The following SYBU variants were observed in gnomAD, a reference collection of about 807,000 sequenced individuals.
The protein encoded by SYBU is GOLSYN A protein.
In SYBU, 21 loss-of-function variants were observed where a neutral mutation model predicts 35.9. The ratio of observed to expected loss-of-function variants is 0.58; its 90% CI spans 0.41 to 0.84. The LOEUF is 0.84. SYBU is among the 40% of genes least tolerant of loss of function. The probability of loss-of-function intolerance (pLI) is 0.00; values close to 1 mark genes in which losing one functional copy is unlikely to be tolerated. For synonymous variants in SYBU, 319 were observed against 324.3 expected (o/e 0.98, Z 0.18); for missense variants, 768 against 848.2 (o/e 0.91, Z 1.17).
Position 109,585,224 on chromosome 8 carries a change from T to A in SYBU, c.530+836A>T, listed in dbSNP as rs556859761. 3.9e-5 allele frequency among the ~76,000 whole-genome samples: 6 copies of A among 152,362 alleles called. No individual in the cohort carries two copies. The East Asian group carries it at 1.2e-3, about 29-fold the overall frequency. ...GGTGGCAAGCACAGAATCCTGGGGC[T>A]TACAGTCCCTCCCACTGAATGTGCA... On this transcript the variant is annotated intron_variant, in intron 4 of 6. Transcript: ENST00000276646.
intron 3 of SYBU, among the ~76,000 whole-genome samples, chr8:109,591,840 T>C (rs1437967363): frequency 1.3e-5 from 2 of 151,992 alleles, no homozygotes; most frequent in Admixed American, 1.3e-4. Flanking sequence ...GGGAAATTTT[T>C]TATAATAAGA....
intron 1 of SYBU, among the ~76,000 whole-genome samples, chr8:109,666,263 G>A (rs1004795899): frequency 6.6e-6 from 1 of 152,046 alleles, no homozygotes; most frequent in South Asian, 2.1e-4. Context: ...TCTGAACCTC[G>A]ACACTATTAA....
chr8:109,632,581 G>GT (rs1429920834), intron 2 of SYBU, among the ~76,000 whole-genome samples: 2 of 151,782 alleles, frequency 1.3e-5, no homozygotes, highest in African/African-American at 2.4e-5. Flanking sequence ...TTACATCTGA[G>GT]TTTTTTCTAT....
At chr8:109,676,685 C>T (rs914237028) in intron 1 of SYBU, among the ~76,000 whole-genome samples, 22 of 152,144 alleles carry the variant, frequency 1.4e-4, no homozygotes, top group African/African-American at 5.1e-4. Flanking sequence ...TTCTTGTATA[C>T]AAATATAAAT....
chr8:109,599,914 TC>T (rs1825326553), intron 3 of SYBU, among the ~76,000 whole-genome samples: 1 of 152,228 alleles, frequency 6.6e-6, no homozygotes, highest in South Asian at 2.1e-4. Context: ...CTCCCAGCTT[TC>T]ACACATGCTG....
Position 109,579,861 on chromosome 8 carries a change from AG to A in SYBU, c.671del (p.Pro224LeufsTer21), listed in dbSNP as rs1421537000. ...CTGAGTTGCTACTGCTTGGGGAAGA[AG>A]GTGCATAACTGGGATGGATATTGAC... Reference protein sequence around the residue: ...SPVNIHPSYAPSSPSSSNSGS... With the variant: ...SPVNIHPSYAXSSPSSSNSGS... On this transcript the variant is annotated frameshift_variant, in exon 5 of 7. Transcript: ENST00000276646. LOFTEE classifies it high-confidence loss of function. The A allele has an allele frequency of 6.2e-7, 1 of 1,613,970 alleles. No homozygotes were observed. The highest frequency in any genetic ancestry group is 1.3e-5 in the African/African-American group (1 of 74,882).
At chr8:109,687,742 G>A (rs981752569) in intron 1 of SYBU, among the ~76,000 whole-genome samples, 1 of 152,242 alleles carries the variant, frequency 6.6e-6, no homozygotes, top group Admixed American at 6.5e-5. Context: ...TATGGACTTT[G>A]ATGAGGCATC....
intron 3 of SYBU, among the ~76,000 whole-genome samples, chr8:109,617,502 A>G (rs1811941489): frequency 6.6e-6 from 1 of 152,202 alleles, no homozygotes. Flanking sequence ...ATTTTTCAAA[A>G]AGGCAGTTGA....
intron 1 of SYBU, among the ~76,000 whole-genome samples, chr8:109,689,538 T>C (rs1244832475): frequency 6.6e-6 from 1 of 152,026 alleles, no homozygotes; most frequent in East Asian, 1.9e-4. Flanking sequence ...CACCATGTTG[T>C]CCAGGCTGGT....
intron 2 of SYBU, among the ~76,000 whole-genome samples, chr8:109,623,407 G>C (rs1309390877): frequency 6.6e-6 from 1 of 152,108 alleles, no homozygotes; most frequent in African/African-American, 2.4e-5. Context: ...CAGGATTAAG[G>C]GTAGTAGAAA....
rs1160980728 is a variant in SYBU at position 109,584,286 on chromosome 8, T to C, written c.530+1774A>G. ...TTATATTTGGCTATTTTATGTTTAA[T>C]ATGTCAAATTTTGACCATGAATTCT... On this transcript the variant is annotated intron_variant, in intron 4 of 6. Transcript: ENST00000276646. The surrounding 1 kb of genome is among the most constrained non-coding windows in gnomAD (Gnocchi z 4.0). 2.6e-5 allele frequency among the ~76,000 whole-genome samples: 4 copies of C among 152,344 alleles called. No homozygotes were observed. The highest frequency in any genetic ancestry group is 7.2e-5 in the African/African-American group (3 of 41,588).
chr8:109,629,558 C>A (rs934470762), intron 2 of SYBU, among the ~76,000 whole-genome samples: 4 of 150,230 alleles, frequency 2.7e-5, no homozygotes, highest in African/African-American at 1.0e-4. Flanking sequence ...TGTTGCATGG[C>A]TCCTTTAAGA....
chr8:109,599,116 T>TA (rs1297371621), intron 3 of SYBU, among the ~76,000 whole-genome samples: 2 of 152,148 alleles, frequency 1.3e-5, no homozygotes, highest in Non-Finnish European at 2.9e-5. Context: ...CAATCTGCAA[T>TA]AAAAAGTCTT....
At chr8:109,604,003 A>G (rs1018299547) in intron 3 of SYBU, among the ~76,000 whole-genome samples, 2 of 152,206 alleles carry the variant, frequency 1.3e-5, no homozygotes, top group Non-Finnish European at 2.9e-5. Flanking sequence ...TATATGTAGT[A>G]TTTATAAAGA....
At chr8:109,620,406 T>A (rs112914339) in intron 2 of SYBU, among the ~76,000 whole-genome samples, 8 of 152,180 alleles carry the variant, frequency 5.3e-5, no homozygotes, top group Non-Finnish European at 8.8e-5. Context: ...TGAATAAAGA[T>A]AGAAACAGAA....
chr8:109,632,648 TA>T (rs11296848), intron 2 of SYBU, among the ~76,000 whole-genome samples: 28,856 of 151,952 alleles, frequency 0.19, 3,240 homozygotes, highest in East Asian at 0.4. Context: ...ACTTCTTTTT[TA>T]AAAAAAAGAA....
rs538516159 is a variant in SYBU at position 109,643,051 on chromosome 8, C to G, written c.25-119G>C. On this transcript the variant is annotated intron_variant, in intron 1 of 6. Coordinates refer to ENST00000276646, the MANE Select transcript of SYBU (RefSeq NM_001099754.2). ...CACATTTCTGAGTATTGAGTCTTCACAGAGTAGTCCTTCTTATCTCAGTTG... is the reference window on the plus strand; with the variant it reads ...CACATTTCTGAGTATTGAGTCTTCAGAGAGTAGTCCTTCTTATCTCAGTTG... 4.7e-4 allele frequency: 666 copies of G among 1,411,078 alleles called. 7 individuals carry two copies. In the South Asian group the frequency reaches 0.01, roughly 22 times the overall value. 87.4% of individuals were successfully genotyped at this position (1,411,078 alleles called of 1,614,324 possible).
At chr8:109,604,978 G>A (rs1825922333) in intron 3 of SYBU, among the ~76,000 whole-genome samples, 1 of 152,154 alleles carries the variant, frequency 6.6e-6, no homozygotes, top group South Asian at 2.1e-4. Flanking sequence ...GGAAGATCCA[G>A]TTTCCCTGAA....
upstream of SYBU, chr8:109,645,420 G>C (rs1307455195): frequency 2.3e-6 from 1 of 435,846 alleles, no homozygotes; most frequent in East Asian, 7.1e-5. Context: ...GCTCCCTCCG[G>C]CTTGGAGAAG....
Sources: allele counts gnomAD v4.1 joint callset (sites outside exome capture counted in the v4.1 genomes callset), GRCh38; gene constraint gnomAD v4.1.1; non-coding constraint Gnocchi (gnomAD v3.1); transcripts MANE v1.5; gene names NCBI Gene and HGNC (gene_info 2026-07-23, HGNC 2026-07-21).